The following SELENOK variants were observed in gnomAD, a reference collection of about 807,000 sequenced individuals.
SELENOK encodes the protein selenoprotein K.
A neutral mutation model predicts 17.3 loss-of-function variants in SELENOK; 11 were observed. That is an observed-to-expected ratio of 0.63 (90% CI 0.40 to 1.05). The LOEUF is 1.05. Among genes scored for constraint, SELENOK ranks in the 50% least tolerant of loss-of-function variants. SELENOK has a pLI of 0.00. For synonymous variants in SELENOK, 45 were observed against 35.4 expected, an observed-to-expected ratio of 1.27 and a Z score of -0.97; for missense variants, 125 against 113.9, an observed-to-expected ratio of 1.10 and a Z score of -0.44.
At position 53,884,521 on chromosome 3, in the gene SELENOK, C is replaced by A. The variant is rs1310319544; in HGVS notation, c.*1037G>T. On this transcript the variant is annotated 3_prime_UTR_variant, in exon 5 of 5. Coordinates refer to ENST00000495461, the MANE Select transcript of SELENOK (RefSeq NM_021237.5). ...GGGTAAAGACAACAAAATTCCTAGT[C>A]TCAGAGCTTCCACTCTAGTGAAAGA... 6.6e-6 allele frequency: 1 copy of A among 152,244 alleles called. No individual in the cohort carries two copies. The highest frequency in any genetic ancestry group is 2.4e-5 in the African/African-American group (1 of 41,458). The allele number at this position is 152,244 out of a possible 1,614,324, so 9.4% of individuals were successfully genotyped here.
Position 53,891,739 on chromosome 3 carries a change from C to G in SELENOK, c.19+31G>C, listed in dbSNP as rs1255673299. ...CCTGGAGTCCGATCTTACAAGTCAC[C>G]GGTCGAAGCCACAGCCCGCTCTCAA... On this transcript the variant is annotated intron_variant, in intron 1 of 4. Transcript: ENST00000495461. 1.9e-6 allele frequency: 3 copies of G among 1,613,360 alleles called. No individual in the cohort carries two copies. The East Asian group carries it at 6.7e-5, about 36-fold the overall frequency.
Position 53,886,839 on chromosome 3 carries a change from A to G in SELENOK, c.194+12T>C. On this transcript the variant is annotated intron_variant, in intron 3 of 4. Coordinates refer to ENST00000495461, the MANE Select transcript of SELENOK (RefSeq NM_021237.5). Reference sequence around the variant, plus strand: ...ACATAAAAACAACTATTATCAATTTAAAAAGCTGTACCCTCTTCCATCATC... The same window carrying G: ...ACATAAAAACAACTATTATCAATTTGAAAAGCTGTACCCTCTTCCATCATC... The G allele has an allele frequency of 6.7e-7, 1 of 1,493,348 alleles. No homozygotes were observed. The highest frequency in any genetic ancestry group is 9.0e-7 in the Non-Finnish European group (1 of 1,108,272). The allele number at this position is 1,493,348 out of a possible 1,614,324, so 92.5% of individuals were successfully genotyped here. A position where few individuals can be genotyped will look rare whatever the true frequency, so the allele number is the denominator to read the frequency against.
intron 1 of SELENOK, among the ~76,000 whole-genome samples, chr3:53,891,525 C>T (rs1002439078): frequency 6.6e-6 from 1 of 152,120 alleles, no homozygotes; most frequent in Non-Finnish European, 1.5e-5. Context: ...TGCACGAAGG[C>T]GGGGTTGCAG....
Position 53,888,502 on chromosome 3 carries a change from G to T in SELENOK, c.20-19C>A, listed in dbSNP as rs767457982. 1.2e-5 allele frequency: 19 copies of T among 1,557,402 alleles called. No homozygotes were observed. Among genetic ancestry groups the T allele is most frequent in the Non-Finnish European group, 1.7e-5 (19 of 1,134,570 alleles). On this transcript the variant is annotated intron_variant, in intron 1 of 4. Coordinates refer to ENST00000495461, the MANE Select transcript of SELENOK (RefSeq NM_021237.5). ...ACTTGTCCTACAGATAAGAATTAAA[G>T]AAACTTTAGTGAGTGCTACAAATCC...
rs1296813505 is a variant in SELENOK at position 53,884,827 on chromosome 3, C to G, written c.*731G>C. 6.6e-6 allele frequency: 1 copy of G among 152,182 alleles called. No individual in the cohort carries two copies. Among genetic ancestry groups the G allele is most frequent in the Admixed American group, 6.5e-5 (1 of 15,276 alleles). The allele number at this position is 152,182 out of a possible 1,614,324, so 9.4% of individuals were successfully genotyped here. On this transcript the variant is annotated 3_prime_UTR_variant, in exon 5 of 5. Coordinates refer to ENST00000495461, the MANE Select transcript of SELENOK (RefSeq NM_021237.5). Reference sequence around the variant, plus strand: ...GGCTAATTTTTGTTATTTTAGGTTTCGTCATGCTGCAGGCTGGTCTCAAAC... The same window carrying G: ...GGCTAATTTTTGTTATTTTAGGTTTGGTCATGCTGCAGGCTGGTCTCAAAC...
chr3:53,890,896 C>G (rs1700163895), intron 1 of SELENOK: 1 of 152,272 alleles, frequency 6.6e-6, no homozygotes, highest in East Asian at 1.9e-4. Flanking sequence ...ATCCACAACT[C>G]CTTGTTAAGA....
At chr3:53,888,562 T>A in intron 1 of SELENOK, 79 bp from the exon 2 acceptor site, 1 of 950,728 alleles carries the variant, frequency 1.1e-6, no homozygotes, top group East Asian at 2.4e-5. Flanking sequence ...ATTATTGAGG[T>A]AACAATGATT....
In SELENOK at chr3:53,886,872, G is replaced by A; in HGVS notation, c.173C>T (p.Ser58Phe). ...KRRSYGNSSD[S>F]RYDDGRGPPG... ...GTACCCTCTTCCATCATCATATCTG[G>A]AATCAGATGAGTTTCCATAGCTTCT... The change falls in exon 3 of 5, where the codon TCC becomes TTC. Residue 58 changes from serine (S) to phenylalanine (F), a missense_variant. Coordinates refer to ENST00000495461, the MANE Select transcript of SELENOK (RefSeq NM_021237.5). 3.2e-6 allele frequency: 5 copies of A among 1,567,378 alleles called. No individual in the cohort carries two copies. Among genetic ancestry groups the A allele is most frequent in the Non-Finnish European group, 3.5e-6 (4 of 1,154,704 alleles).
intron 1 of SELENOK, among the ~76,000 whole-genome samples, chr3:53,890,207 C>T (rs1700157430): frequency 6.6e-6 from 1 of 152,210 alleles, no homozygotes; most frequent in Non-Finnish European, 1.5e-5. Flanking sequence ...CTCTTACTAG[C>T]TCTGCTTCGT....
At chr3:53,889,509 C>G (rs1559799669) in intron 1 of SELENOK, among the ~76,000 whole-genome samples, 1 of 152,208 alleles carries the variant, frequency 6.6e-6, no homozygotes, top group East Asian at 1.9e-4. Context: ...CCACTCATAT[C>G]TGTTGATGGA....
Position 53,888,497 on chromosome 3 carries a change from T to C in SELENOK, c.20-14A>G, listed in dbSNP as rs1229749716. ...CCAACACTTGTCCTACAGATAAGAA[T>C]TAAAGAAACTTTAGTGAGTGCTACA... On this transcript the variant is annotated splice_polypyrimidine_tract_variant and intron_variant, in intron 1 of 4. Transcript: ENST00000495461. 5 of 1,571,866 alleles carry C rather than the reference T, an allele frequency of 3.2e-6. No individual in the cohort carries two copies. Among genetic ancestry groups the C allele is most frequent in the Non-Finnish European group, 4.4e-6 (5 of 1,147,044 alleles).
At chr3:53,888,506 C>A in intron 1 of SELENOK, 23 bp from the exon 2 acceptor site, 1 of 1,508,316 alleles carries the variant, frequency 6.6e-7, no homozygotes, top group South Asian at 1.1e-5. Context: ...ATTAAAGAAA[C>A]TTTAGTGAGT....
At chr3:53,886,428 G>A (rs946259524) in intron 3 of SELENOK, among the ~76,000 whole-genome samples, 1 of 152,130 alleles carries the variant, frequency 6.6e-6, no homozygotes, top group African/African-American at 2.4e-5. Flanking sequence ...TAGAGACGGG[G>A]TTTCATCATG....
Position 53,885,411 on chromosome 3 carries a change from A to T in SELENOK, c.*147T>A. On this transcript the variant is annotated 3_prime_UTR_variant, in exon 5 of 5. Transcript: ENST00000495461. ...CCCTGCAGAGGGAATTCCCAGCATG[A>T]CCTCATTCATCTGTGAGGACACAGA... 1 of 725,604 alleles carries T rather than the reference A, an allele frequency of 1.4e-6. No individual in the cohort carries two copies. Among genetic ancestry groups the T allele is most frequent in the Non-Finnish European group, 2.3e-6 (1 of 433,418 alleles). The allele number at this position is 725,604 out of a possible 1,614,324, so 44.9% of individuals were successfully genotyped here. A position where few individuals can be genotyped will look rare whatever the true frequency, so the allele number is the denominator to read the frequency against.
intron 1 of SELENOK, chr3:53,890,822 A>C (rs1700162181): frequency 6.6e-6 from 1 of 152,244 alleles, no homozygotes. Context: ...CTCCTCACTG[A>C]CTACCTTACT....
At chr3:53,885,966 C>A in intron 3 of SELENOK, 54 bp from the exon 4 acceptor site, 1 of 1,240,876 alleles carries the variant, frequency 8.1e-7, no homozygotes, top group South Asian at 1.6e-5. Flanking sequence ...CTTGAATTGT[C>A]TCCTTTTAAA....
chr3:53,888,031 A>G (rs1700139009), intron 2 of SELENOK: 1 of 157,504 alleles, frequency 6.3e-6, no homozygotes, highest in Non-Finnish European at 1.4e-5. Context: ...TACTTGTTAT[A>G]TAATATGGAA....
intron 2 of SELENOK, 141 bp downstream of exon 2, chr3:53,888,252 C>T (rs1576873753): frequency 1.6e-6 from 1 of 608,072 alleles, no homozygotes; most frequent in Middle Eastern, 4.3e-4. Context: ...ACATCTATTT[C>T]CCTGTGTAAA....
chr3:53,886,524 G>A (rs1239068048), intron 3 of SELENOK, among the ~76,000 whole-genome samples: 2 of 152,176 alleles, frequency 1.3e-5, no homozygotes, highest in South Asian at 2.1e-4. Flanking sequence ...TCAAGCCACC[G>A]TGCCTGGCGA....
Sources: gnomAD v4.1 joint callset for allele counts (sites outside exome capture counted in the v4.1 genomes callset) on GRCh38, gnomAD v4.1.1 for gene constraint, MANE v1.5 for transcripts, NCBI Gene and HGNC (gene_info 2026-07-23, HGNC 2026-07-21) for gene names.